TTC27: variants seen among roughly 807,000 people sequenced by gnomAD.
TTC27 encodes tetratricopeptide repeat domain 27.
Under a neutral mutation model 115.9 loss-of-function variants are expected in TTC27, and 79 were observed. That is an observed-to-expected ratio of 0.68 (90% CI 0.57 to 0.82). TTC27 has a LOEUF of 0.82. TTC27 is among the 40% of genes least tolerant of loss of function. The pLI is 0.00. For missense variants in TTC27, 1,054 were observed against 993.1 expected, an observed-to-expected ratio of 1.06 and a Z score of -0.82; for synonymous variants, 401 against 356.0, an observed-to-expected ratio of 1.13 and a Z score of -1.42.
At chr2:32,642,619 C>T (rs1365021291) in intron 4 of TTC27, among the ~76,000 whole-genome samples, 1 of 151,898 alleles carries the variant, frequency 6.6e-6, no homozygotes, top group African/African-American at 2.4e-5. Context: ...TCATGAGAGC[C>T]AGAGGATTTG....
At chr2:32,814,642 A>T (rs1377029682) in intron 18 of TTC27, among the ~76,000 whole-genome samples, 1 of 152,206 alleles carries the variant, frequency 6.6e-6, no homozygotes, top group African/African-American at 2.4e-5. Context: ...TGGCCCCATA[A>T]TATTGTAAAA....
intron 16 of TTC27, among the ~76,000 whole-genome samples, chr2:32,798,704 C>CAAAAAAAAAAA (rs1168987401): frequency 3.2e-4 from 39 of 121,160 alleles, no homozygotes; most frequent in African/African-American, 1.3e-3. Context: ...GACTCCAGCT[C>CAAAAAAAAAAA]AAAAAAAAAA....
chr2:32,711,873 G>C (rs1238888466), intron 10 of TTC27, among the ~76,000 whole-genome samples: 1 of 152,090 alleles, frequency 6.6e-6, no homozygotes, highest in Non-Finnish European at 1.5e-5. Flanking sequence ...CCATGATGTG[G>C]AGTTTGCAGT....
chr2:32,628,454 C>A, intron 1 of TTC27, 74 bp downstream of exon 1: 1 of 1,354,788 alleles, frequency 7.4e-7, no homozygotes, highest in Non-Finnish European at 9.9e-7. Flanking sequence ...GACTGATTCT[C>A]ATCCCTCCCT....
At chr2:32,817,596 GA>G in intron 19 of TTC27, 39 bp downstream of exon 19, 1 of 1,542,106 alleles carries the variant, frequency 6.5e-7, no homozygotes, top group Non-Finnish European at 9.0e-7. Flanking sequence ...TTGTCATATA[GA>G]AAAAGGTCAT....
rs769643133 is a variant in TTC27 at position 32,817,519 on chromosome 2, G to A, written c.2371G>A (p.Val791Ile). The change falls in exon 19 of 20, where the codon GTT becomes ATT. Residue 791 changes from valine to isoleucine, a missense_variant. Coordinates refer to ENST00000317907, the MANE Select transcript of TTC27 (RefSeq NM_017735.5). ...AGAAGCTGTACAAATGCTTTCTTCT[G>A]TTCGACTCAATTTACGGGGCTTGTT... ...SQEAVQMLSS[V>I]RLNLRGLLSK... 1.2e-6 allele frequency: 2 copies of A among 1,614,064 alleles called. No individual in the cohort carries two copies. Among genetic ancestry groups the A allele is most frequent in the Non-Finnish European group, 1.7e-6 (2 of 1,179,966 alleles).
chr2:32,634,981 T>G lies in TTC27; in HGVS notation c.396+976T>G, dbSNP rs1293670734. ...TTGCAGGTAAGTTTTGATACTGTAC[T>G]TAAGAATGGCTCCCAGGAGTGGTTT... On this transcript the variant is annotated intron_variant, in intron 3 of 19. Transcript: ENST00000317907. 3.3e-5 allele frequency among the ~76,000 whole-genome samples: 5 copies of G among 152,262 alleles called. No homozygotes were observed. In the East Asian group the frequency reaches 7.7e-4, roughly 24 times the overall value.
Position 32,630,557 on chromosome 2 carries a change from G to T in TTC27, c.123G>T (p.Gly41=), listed in dbSNP as rs757762611. The stretch of plus-strand genomic sequence containing the variant: ...CTTTCCTACAATTGCTACTGGAAGG[G>T]AACTATGAAGCCATATTCTTAAATT... The part of the protein sequence containing the change: ...SGSFLQLLLE[G]NYEAIFLNSM... Residue 41 remains glycine, a synonymous_variant, in exon 2 of 20, where the codon GGG becomes GGT. Transcript: ENST00000317907. The T allele has an allele frequency of 1.2e-6, 2 of 1,611,298 alleles. No homozygotes were observed. Among genetic ancestry groups the T allele is most frequent in the Non-Finnish European group, 1.7e-6 (2 of 1,178,920 alleles).
Position 32,815,007 on chromosome 2 carries a change from C to T in TTC27, c.2308+2392C>T, listed in dbSNP as rs117840356. 1.3e-3 allele frequency among the ~76,000 whole-genome samples: 199 copies of T among 152,214 alleles called. 8 individuals are homozygous for T. In the East Asian group the frequency reaches 0.032, roughly 25 times the overall value. ...CTTCAGAAAGCTTGATAAGATATTGCGACCTTGACATAGTATTTGAGGCCT... is the reference window on the plus strand; with the variant it reads ...CTTCAGAAAGCTTGATAAGATATTGTGACCTTGACATAGTATTTGAGGCCT... On this transcript the variant is annotated intron_variant, in intron 18 of 19. Coordinates refer to ENST00000317907, the MANE Select transcript of TTC27 (RefSeq NM_017735.5).
At chr2:32,785,811 G>T (rs1219731497) in intron 15 of TTC27, among the ~76,000 whole-genome samples, 1 of 152,136 alleles carries the variant, frequency 6.6e-6, no homozygotes, top group East Asian at 1.9e-4. Context: ...GGTCAGGATG[G>T]CCTTGATCTT....
intron 7 of TTC27, among the ~76,000 whole-genome samples, chr2:32,669,759 G>T (rs1665938142): frequency 6.6e-6 from 1 of 151,542 alleles, no homozygotes; most frequent in South Asian, 2.1e-4. Context: ...GGTGGTGTGT[G>T]CCTGTAATTC....
intron 9 of TTC27, among the ~76,000 whole-genome samples, chr2:32,683,242 G>T (rs534245451): frequency 6.6e-6 from 1 of 152,208 alleles, no homozygotes; most frequent in South Asian, 2.1e-4. Context: ...CACCCACCCA[G>T]CCTCCCAAAG....
intron 17 of TTC27, 40 bp downstream of exon 17, chr2:32,811,261 G>A: frequency 6.4e-7 from 1 of 1,571,794 alleles, no homozygotes; most frequent in East Asian, 2.3e-5. Context: ...CCTTTCGTTT[G>A]AACATGTTGT....
In TTC27 at chr2:32,638,653, C is replaced by T. The variant is rs553674594; in HGVS notation, c.397-1617C>T. 5.3e-5 allele frequency among the ~76,000 whole-genome samples: 8 copies of T among 152,336 alleles called. No homozygotes were observed. In the East Asian group the frequency reaches 1.5e-3, roughly 29 times the overall value. On this transcript the variant is annotated intron_variant, in intron 3 of 19. Transcript: ENST00000317907. ...GTGGCCTTCCAGAGTGCTGGGATTA[C>T]AGGCATGAGCCACTGTGCCCGGCCC...
At chr2:32,750,553 A>G (rs937152123) in intron 12 of TTC27, among the ~76,000 whole-genome samples, 2 of 152,214 alleles carry the variant, frequency 1.3e-5, no homozygotes, top group Non-Finnish European at 2.9e-5. Context: ...TGACTATGCA[A>G]GGGTTTAGTT....
At chr2:32,803,354 C>T (rs1181283137) in intron 16 of TTC27, among the ~76,000 whole-genome samples, 1 of 152,232 alleles carries the variant, frequency 6.6e-6, no homozygotes, top group African/African-American at 2.4e-5. Context: ...CCCTGCCTTG[C>T]ACTGGGCTGG....
rs183405103 is a variant in TTC27 at position 32,737,945 on chromosome 2, G to A, written c.1452+1129G>A. The stretch of plus-strand genomic sequence containing the variant: ...GGAGGATGATCACTTGGGCCTGGGA[G>A]GTTAAGGCTACAGTGAGTTGTGATC... On this transcript the variant is annotated intron_variant, in intron 12 of 19. Transcript: ENST00000317907. Among the ~76,000 whole-genome samples the A allele has an allele frequency of 1.6e-4, 24 of 152,222 alleles. No homozygotes were observed. The East Asian group carries it at 3.3e-3, about 21-fold the overall frequency.
chr2:32,644,354 A>G (rs1664770074), intron 4 of TTC27, among the ~76,000 whole-genome samples: 1 of 151,094 alleles, frequency 6.6e-6, no homozygotes, highest in Non-Finnish European at 1.5e-5. Context: ...CTGTCTCCAA[A>G]AAAAAAAAAA....
intron 12 of TTC27, among the ~76,000 whole-genome samples, chr2:32,750,624 C>G (rs957592301): frequency 2.6e-5 from 4 of 152,146 alleles, no homozygotes; most frequent in African/African-American, 9.7e-5. Flanking sequence ...ACAGATTATT[C>G]CATAGATTGT....
Sources: allele counts gnomAD v4.1 joint callset (sites outside exome capture counted in the v4.1 genomes callset), GRCh38; gene constraint gnomAD v4.1.1; transcripts MANE v1.5; gene names NCBI Gene and HGNC (gene_info 2026-07-23, HGNC 2026-07-21).